BOC: variants seen among roughly 807,000 people sequenced by gnomAD.
BOC encodes BOC cell adhesion associated, oncogene regulated.
Under a neutral mutation model 112.0 loss-of-function variants are expected in BOC, and 76 were observed. The ratio of observed to expected loss-of-function variants is 0.68; its 90% CI spans 0.56 to 0.82. The LOEUF (loss-of-function observed/expected upper bound fraction) is 0.82, where lower values mean the gene tolerates loss of function less well. Among genes scored for constraint, BOC ranks in the 40% least tolerant of loss-of-function variants. The pLI is 0.00. For synonymous variants in BOC, 580 were observed against 599.8 expected, an observed-to-expected ratio of 0.97 and a Z score of 0.48; for missense variants, 1,309 against 1,511.7, an observed-to-expected ratio of 0.87 and a Z score of 2.22.
chr3:113,220,524 G>A (rs1240644329), intron 2 of BOC, among the ~76,000 whole-genome samples: 2 of 152,140 alleles, frequency 1.3e-5, no homozygotes, highest in African/African-American at 2.4e-5. Context: ...TCCTCTAAAC[G>A]TGAGAAGTGC....
At chr3:113,245,093 C>T (rs1177228543) in intron 2 of BOC, among the ~76,000 whole-genome samples, 1 of 152,048 alleles carries the variant, frequency 6.6e-6, no homozygotes, top group East Asian at 1.9e-4. Context: ...CTCTACGATA[C>T]TTGTTTATTT....
At chr3:113,270,659 C>T in intron 5 of BOC, 142 bp from the exon 6 acceptor site, 3 of 918,150 alleles carry the variant, frequency 3.3e-6, no homozygotes, top group Non-Finnish European at 4.9e-6. Context: ...TAGGCTTTGT[C>T]TTGTGGGGAC....
rs1454058273 is a variant in BOC, at chr3:113,250,775, T to C, written c.318T>C (p.Cys106=). ...LNNHTVGRYQ[C]VARMPAGAVA... The stretch of plus-strand genomic sequence containing the variant: ...ACCACACTGTGGGACGGTACCAGTG[T>C]GTGGCCCGGATGCCTGCGGGGGCTG... Residue 106 remains cysteine (C), a synonymous_variant, in exon 4 of 20, where the codon TGT becomes TGC. Coordinates refer to ENST00000682979, the MANE Select transcript of BOC (RefSeq NM_001378074.1). 6.2e-7 allele frequency: 1 copy of C among 1,614,158 alleles called. No homozygotes were observed. Among genetic ancestry groups the C allele is most frequent in the South Asian group, 1.1e-5 (1 of 91,074 alleles).
At chr3:113,233,129 T>C (rs1164062232) in intron 2 of BOC, among the ~76,000 whole-genome samples, 1 of 148,740 alleles carries the variant, frequency 6.7e-6, no homozygotes, top group Non-Finnish European at 1.5e-5. Context: ...CAAGCATGCA[T>C]GAGCATGTAA....
chr3:113,272,928 C>G lies in BOC; in HGVS notation c.962-141C>G, dbSNP rs1461331487. 5 of 1,172,104 alleles carry G rather than the reference C, an allele frequency of 4.3e-6. No individual in the cohort carries two copies. The East Asian group carries it at 9.6e-5, about 23-fold the overall frequency. The allele number at this position is 1,172,104 out of a possible 1,614,324, so 72.6% of individuals were successfully genotyped here. A position where few individuals can be genotyped will look rare whatever the true frequency, so the allele number is the denominator to read the frequency against. ...TTCTGATGGTGGAGACATCAGACCT[C>G]TCCTTCCCTCTACTCTGCCCATTAG... On this transcript the variant is annotated intron_variant, in intron 7 of 19. Transcript: ENST00000682979.
chr3:113,276,255 C>T (rs140795450), intron 9 of BOC, among the ~76,000 whole-genome samples: 45 of 152,334 alleles, frequency 3.0e-4, no homozygotes, highest in African/African-American at 1.0e-3. Flanking sequence ...GGCAGATTGG[C>T]AAAGGCCATG....
chr3:113,250,400 C>T (rs1022921513), intron 3 of BOC, among the ~76,000 whole-genome samples, 155 bp from the exon 4 acceptor site: 3 of 152,180 alleles, frequency 2.0e-5, no homozygotes, highest in Non-Finnish European at 4.4e-5. Flanking sequence ...GGAACAAAGG[C>T]AGGTTGGGAA....
intron 4 of BOC, chr3:113,251,746 G>A (rs1010483409): frequency 2.0e-5 from 3 of 152,156 alleles, no homozygotes; most frequent in Non-Finnish European, 4.4e-5. Context: ...CCATTTCCAT[G>A]TGCTCACTGA....
At chr3:113,262,423 C>G (rs946234179) in intron 4 of BOC, among the ~76,000 whole-genome samples, 2 of 152,234 alleles carry the variant, frequency 1.3e-5, no homozygotes, top group Admixed American at 6.5e-5. Flanking sequence ...ATAGACAATT[C>G]TGCAGCACCT....
chr3:113,266,168 G>A (rs57104308), intron 4 of BOC, among the ~76,000 whole-genome samples: 4,915 of 152,282 alleles, frequency 0.032, 147 homozygotes, highest in East Asian at 0.084. Context: ...AGTGAAATGG[G>A]GCAATAGAAA....
chr3:113,284,160 C>T lies in BOC; in HGVS notation c.2657-175C>T, dbSNP rs1282830063. 9.9e-5 allele frequency among the ~76,000 whole-genome samples: 15 copies of T among 152,200 alleles called. No homozygotes were observed. The East Asian group carries it at 2.1e-3, about 22-fold the overall frequency. On this transcript the variant is annotated intron_variant, in intron 16 of 19. Transcript: ENST00000682979. ...AGTCTAGGTGTCAGGTAGAAATGGG[C>T]GACACAAAGGAGACTCTAGGAGAAA... is the stretch of plus-strand genomic sequence containing the variant.
chr3:113,223,707 A>G (rs114895407), intron 2 of BOC, among the ~76,000 whole-genome samples: 1,769 of 148,614 alleles, frequency 0.012, 34 homozygotes, highest in African/African-American at 0.041. Flanking sequence ...CACACAGCCT[A>G]TGCCTTTTCA....
At chr3:113,255,240 C>G (rs779759210) in intron 4 of BOC, among the ~76,000 whole-genome samples, 1 of 151,832 alleles carries the variant, frequency 6.6e-6, no homozygotes, top group African/African-American at 2.4e-5. Context: ...AAGCCTCACA[C>G]CAGGCAGCCA....
At chr3:113,213,541 G>C (rs560910057) in intron 1 of BOC, among the ~76,000 whole-genome samples, 1 of 152,142 alleles carries the variant, frequency 6.6e-6, no homozygotes, top group Admixed American at 6.5e-5. Context: ...CCACAGTCTT[G>C]GGCTGCTTGT....
In BOC at chr3:113,248,237, C is replaced by T. The variant is rs1438108015; in HGVS notation, c.-81-1485C>T. 4.6e-5 allele frequency among the ~76,000 whole-genome samples: 7 copies of T among 152,270 alleles called. No homozygotes were observed. In the East Asian group the frequency reaches 5.8e-4, roughly 13 times the overall value. On this transcript the variant is annotated intron_variant, in intron 2 of 19. Coordinates refer to ENST00000682979, the MANE Select transcript of BOC (RefSeq NM_001378074.1). ...GGGAAGGGAAAGGTTTAGGTTAATC[C>T]GAAGCACTTCCCAACACAGCAACAG...
intron 2 of BOC, among the ~76,000 whole-genome samples, chr3:113,226,793 G>A (rs573991032): frequency 6.6e-6 from 1 of 152,316 alleles, no homozygotes; most frequent in African/African-American, 2.4e-5. Context: ...GTCACTTGAG[G>A]TTTAGCACGG....
intron 9 of BOC, among the ~76,000 whole-genome samples, chr3:113,277,805 TGGA>T (rs1235224767): frequency 5.3e-5 from 8 of 152,238 alleles, no homozygotes; most frequent in Non-Finnish European, 8.8e-5. Flanking sequence ...AGAAGGTCTT[TGGA>T]GGAGTTCTCA....
chr3:113,213,249 G>A (rs555655746), intron 1 of BOC, among the ~76,000 whole-genome samples: 1 of 152,310 alleles, frequency 6.6e-6, no homozygotes, highest in South Asian at 2.1e-4. Context: ...TCTTTGAGTG[G>A]ACTGAGTGAA....
intron 2 of BOC, among the ~76,000 whole-genome samples, chr3:113,226,258 A>G (rs1398312163): frequency 2.0e-5 from 3 of 152,214 alleles, no homozygotes; most frequent in Non-Finnish European, 2.9e-5. Context: ...AGAACCTCCC[A>G]GTGGTGTGGT....
Sources: allele counts gnomAD v4.1 joint callset (sites outside exome capture counted in the v4.1 genomes callset), GRCh38; gene constraint gnomAD v4.1.1; transcripts MANE v1.5; gene names NCBI Gene and HGNC (gene_info 2026-07-23, HGNC 2026-07-21).